Variants in RFC3 observed in about 807,000 individuals in gnomAD.
RFC3 encodes the protein replication factor C subunit 3.
RFC3 carries 41 observed loss-of-function variants against 45.1 expected under a neutral mutation model. The ratio of observed to expected loss-of-function variants is 0.91; its 90% CI spans 0.71 to 1.18. The LOEUF (loss-of-function observed/expected upper bound fraction) is 1.18. RFC3 is among the 50% of genes most tolerant of loss of function. The pLI, the probability that RFC3 is intolerant of heterozygous loss-of-function variation, is 0.00. For missense variants in RFC3, 423 were observed against 428.1 expected (o/e 0.99, Z 0.10); for synonymous variants, 149 against 144.0 (o/e 1.03, Z -0.25).
intron 8 of RFC3, among the ~76,000 whole-genome samples, chr13:33,894,147 C>T (rs1304383971): frequency 1.3e-5 from 2 of 152,132 alleles, no homozygotes; most frequent in African/African-American, 4.8e-5. Flanking sequence ...CAGAACCCTA[C>T]ACAATGAGCC....
Position 33,950,942 on chromosome 13 carries a change from C to G in RFC3, c.880-15145C>G, listed in dbSNP as rs550059094. Among the ~76,000 whole-genome samples the G allele has an allele frequency of 9.2e-5, 14 of 151,998 alleles. No individual in the cohort carries two copies. The South Asian group carries it at 2.9e-3, about 32-fold the overall frequency. On this transcript the variant is annotated intron_variant, in intron 8 of 8. Transcript: ENST00000434425. ...TGTTTACTCTTCCCTTCACTTATTC[C>G]TCATGTGGTTCTTCCTCTCCATGCC...
chr13:33,925,125 T>C (rs1032679519), intron 8 of RFC3, among the ~76,000 whole-genome samples: 1 of 147,968 alleles, frequency 6.8e-6, no homozygotes, highest in Admixed American at 6.7e-5. Context: ...AGTGTACATA[T>C]ATACATGCAT....
intron 8 of RFC3, among the ~76,000 whole-genome samples, chr13:33,859,573 C>T (rs1405921626): frequency 6.6e-6 from 1 of 152,268 alleles, no homozygotes; most frequent in East Asian, 1.9e-4. Flanking sequence ...ATAATTTTAG[C>T]AGTGATTGGG....
intron 1 of RFC3, 44 bp from the exon 2 acceptor site, chr13:33,821,088 A>C (rs753796892): frequency 2.5e-6 from 4 of 1,607,384 alleles, no homozygotes; most frequent in Non-Finnish European, 3.4e-6. Flanking sequence ...TACCTAGAGC[A>C]GTTCAGTTTG....
chr13:33,925,049 ATATATATACACATATATAGTGTAC>A (rs1427082861), intron 8 of RFC3, among the ~76,000 whole-genome samples: 8 of 141,564 alleles, frequency 5.7e-5, no homozygotes, highest in African/African-American at 1.5e-4. Context: ...TAGTGTACAT[ATATATATACACATATATAGTGTAC>A]TATATACACG....
At chr13:33,945,185 C>T (rs1422279956) in intron 8 of RFC3, among the ~76,000 whole-genome samples, 1 of 152,102 alleles carries the variant, frequency 6.6e-6, no homozygotes, top group Non-Finnish European at 1.5e-5. Context: ...CTATTATTTC[C>T]ATTTTAACCA....
intron 1 of RFC3, among the ~76,000 whole-genome samples, chr13:33,820,841 A>ATGTGCT (rs1335884164): frequency 1.3e-5 from 2 of 151,344 alleles, no homozygotes; most frequent in Non-Finnish European, 2.9e-5. Context: ...TGTATCTTGC[A>ATGTGCT]TGTGCTGTCA....
intron 8 of RFC3, among the ~76,000 whole-genome samples, chr13:33,909,058 G>A (rs2082688924): frequency 6.6e-6 from 1 of 151,858 alleles, no homozygotes; most frequent in African/African-American, 2.4e-5. Context: ...CAAATGTCTG[G>A]GTACCCCAGG....
chr13:33,953,835 T>A (rs767203212), intron 8 of RFC3, among the ~76,000 whole-genome samples: 11 of 152,202 alleles, frequency 7.2e-5, no homozygotes, highest in Non-Finnish European at 1.6e-4. Context: ...GAATAAATTT[T>A]AAAGAAGCAT....
intron 8 of RFC3, among the ~76,000 whole-genome samples, chr13:33,938,918 A>C (rs750673403): frequency 6.6e-6 from 1 of 152,170 alleles, no homozygotes; most frequent in Non-Finnish European, 1.5e-5. Context: ...GTTTTTGCCA[A>C]CAATTGGGAT....
downstream of RFC3, among the ~76,000 whole-genome samples, chr13:33,966,752 A>G (rs1179963405): frequency 1.3e-5 from 2 of 152,182 alleles, no homozygotes; most frequent in Non-Finnish European, 2.9e-5. Context: ...ATACTTTGTA[A>G]CCCTACAGAG....
intron 8 of RFC3, among the ~76,000 whole-genome samples, chr13:33,963,754 G>GAGA (rs1273915319): frequency 6.6e-6 from 1 of 152,192 alleles, no homozygotes; most frequent in Non-Finnish European, 1.5e-5. Context: ...AGTTAATGAA[G>GAGA]AGAAAGTGAA....
intron 8 of RFC3, among the ~76,000 whole-genome samples, chr13:33,859,838 T>C (rs2082329702): frequency 6.6e-6 from 1 of 152,232 alleles, no homozygotes; most frequent in South Asian, 2.1e-4. Flanking sequence ...GGGCATGTTA[T>C]GGACTGAATT....
intron 8 of RFC3, among the ~76,000 whole-genome samples, chr13:33,889,217 T>G (rs1400487795): frequency 6.6e-6 from 1 of 152,212 alleles, no homozygotes; most frequent in East Asian, 1.9e-4. Context: ...ACTACACTAT[T>G]CTTGGTAAGG....
chr13:33,942,753 CTTA>C (rs1039135392), intron 8 of RFC3, among the ~76,000 whole-genome samples: 5 of 151,978 alleles, frequency 3.3e-5, no homozygotes, highest in African/African-American at 1.2e-4. Flanking sequence ...TAATTAACAT[CTTA>C]TTTTTTTTTT....
the RFC3 span, among the ~76,000 whole-genome samples, chr13:33,976,572 T>C: frequency 1.3e-5 from 2 of 152,200 alleles, no homozygotes; most frequent in East Asian, 1.9e-4. Context: ...AGATTCATAA[T>C]GTTCTCATCA....
intron 8 of RFC3, among the ~76,000 whole-genome samples, chr13:33,891,065 T>C (rs1317038742): frequency 6.6e-6 from 1 of 152,200 alleles, no homozygotes; most frequent in Non-Finnish European, 1.5e-5. Context: ...AATTTTTATC[T>C]TTTTAGTCCT....
chr13:33,966,806 C>T (rs896368055), downstream of RFC3, among the ~76,000 whole-genome samples: 6 of 152,144 alleles, frequency 3.9e-5, no homozygotes, highest in Non-Finnish European at 5.9e-5. Context: ...ATCTCAATTT[C>T]TTGGACAAAC....
At chr13:33,954,542 G>A (rs117250041) in intron 8 of RFC3, among the ~76,000 whole-genome samples, 3 of 152,178 alleles carry the variant, frequency 2.0e-5, no homozygotes, top group Non-Finnish European at 4.4e-5. Context: ...GTCTTAGTTC[G>A]TTCAGGCAGT....
Sources: allele counts gnomAD v4.1 joint callset (sites outside exome capture counted in the v4.1 genomes callset), GRCh38; gene constraint gnomAD v4.1.1; transcripts MANE v1.5; gene names NCBI Gene and HGNC (gene_info 2026-07-23, HGNC 2026-07-21).